Variants in ITPKB observed in about 807,000 individuals in gnomAD.
ITPKB encodes inositol-trisphosphate 3-kinase B.
In ITPKB, 13 loss-of-function variants were observed where a neutral mutation model predicts 69.4. That is an observed-to-expected ratio of 0.19 (90% CI 0.12 to 0.30). The LOEUF (loss-of-function observed/expected upper bound fraction) is 0.30. Among genes scored for constraint, ITPKB ranks in the 10% least tolerant of loss-of-function variants. ITPKB has a pLI of 1.00. For synonymous variants in ITPKB, 584 were observed against 513.7 expected, an observed-to-expected ratio of 1.14 and a Z score of -1.85; for missense variants, 1,240 against 1,250.5, an observed-to-expected ratio of 0.99 and a Z score of 0.13.
At chr1:226,726,379 C>T (rs575747277) in intron 2 of ITPKB, among the ~76,000 whole-genome samples, 1 of 152,282 alleles carries the variant, frequency 6.6e-6, no homozygotes, top group Non-Finnish European at 1.5e-5. Flanking sequence ...AAAGAGAAGG[C>T]CAGGCTCAGT....
At chr1:226,707,368 G>C (rs1221363304) in intron 2 of ITPKB, 1 of 243,930 alleles carries the variant, frequency 4.1e-6, no homozygotes, top group Non-Finnish European at 6.6e-6. Flanking sequence ...GCTAATTTTT[G>C]TATTTTTTAG....
chr1:226,652,968 G>A (rs76476688), intron 2 of ITPKB, among the ~76,000 whole-genome samples: 2 of 152,146 alleles, frequency 1.3e-5, no homozygotes, highest in Non-Finnish European at 2.9e-5. Flanking sequence ...GGGACTTGCT[G>A]CTGGCCGGCA....
At chr1:226,719,387 G>T (rs1657173239) in intron 2 of ITPKB, among the ~76,000 whole-genome samples, 1 of 152,214 alleles carries the variant, frequency 6.6e-6, no homozygotes, top group South Asian at 2.1e-4. Context: ...GTGCCCTGTG[G>T]TCGGTCACTT....
Position 226,737,258 on chromosome 1 carries a change from C to T in ITPKB, c.201G>A (p.Glu67=), listed in dbSNP as rs751300862. The change falls in exon 2 of 8, where the codon GAG becomes GAA. Residue 67 remains glutamate (E), a synonymous_variant. Transcript: ENST00000429204. ...LFPPAESLSP[E]EPRSPGGWRS... ...GCCAGCCCCCGGGGCTCCGGGGCTC[C>T]TCGGGGGACAGCGACTCGGCTGGGG... is the stretch of plus-strand genomic sequence containing the variant. 6.4e-7 allele frequency: 1 copy of T among 1,554,336 alleles called. No individual in the cohort carries two copies. Among genetic ancestry groups the T allele is most frequent in the Non-Finnish European group, 8.6e-7 (1 of 1,157,364 alleles).
At chr1:226,724,255 T>C (rs2102645762) in intron 2 of ITPKB, among the ~76,000 whole-genome samples, 1 of 152,246 alleles carries the variant, frequency 6.6e-6, no homozygotes, top group Admixed American at 6.5e-5. Flanking sequence ...GCAGACCATC[T>C]TGCTTCTGTG....
intron 2 of ITPKB, among the ~76,000 whole-genome samples, chr1:226,722,784 T>C (rs945646194): frequency 8.5e-5 from 13 of 152,164 alleles, no homozygotes; most frequent in African/African-American, 3.1e-4. Context: ...CACATATGTC[T>C]AGAAAGGGGC....
chr1:226,684,180 C>T (rs1571857387), intron 2 of ITPKB, among the ~76,000 whole-genome samples: 1 of 152,182 alleles, frequency 6.6e-6, no homozygotes, highest in Non-Finnish European at 1.5e-5. Context: ...AGGAACAAAA[C>T]GAAGGGGAAG....
At chr1:226,657,871 T>C (rs1036339674) in intron 2 of ITPKB, among the ~76,000 whole-genome samples, 3 of 152,154 alleles carry the variant, frequency 2.0e-5, no homozygotes, top group Non-Finnish European at 2.9e-5. Flanking sequence ...ATTTATAAAA[T>C]AGCCTCACAT....
chr1:226,661,832 G>C (rs766641013), intron 2 of ITPKB, among the ~76,000 whole-genome samples: 10 of 152,194 alleles, frequency 6.6e-5, no homozygotes, highest in Non-Finnish European at 1.5e-4. Flanking sequence ...AGCTCTGTAT[G>C]AGCCCAGCAG....
chr1:226,710,002 C>T (rs1230584374), intron 2 of ITPKB, among the ~76,000 whole-genome samples: 1 of 152,178 alleles, frequency 6.6e-6, no homozygotes, highest in East Asian at 1.9e-4. Flanking sequence ...GAAGAAATCA[C>T]TCCCTAATGG....
Position 226,737,186 on chromosome 1 carries a change from G to A in ITPKB, c.273C>T (p.Gly91=), listed in dbSNP as rs758172245. ...RLNSSSGSGS[G]SSGSSVSSPS... is the part of the protein sequence containing the mutation. Reference sequence around the variant, plus strand: ...GGCTGCTCACGCTACTGCCGCTGCTGCCGCTGCCACTGCCGCTGCTACTAT... The same window carrying A: ...GGCTGCTCACGCTACTGCCGCTGCTACCGCTGCCACTGCCGCTGCTACTAT... The change falls in exon 2 of 8, where the codon GGC becomes GGT. Residue 91 remains glycine, a synonymous_variant. Transcript: ENST00000429204. 4.6e-6 allele frequency: 7 copies of A among 1,517,378 alleles called. No individual in the cohort carries two copies. Among genetic ancestry groups the A allele is most frequent in the Non-Finnish European group, 5.3e-6 (6 of 1,126,266 alleles). The allele number at this position is 1,517,378 out of a possible 1,614,324, so 94.0% of individuals were successfully genotyped here.
At chr1:226,710,326 A>T (rs779284930) in intron 2 of ITPKB, among the ~76,000 whole-genome samples, 1 of 152,218 alleles carries the variant, frequency 6.6e-6, no homozygotes, top group Non-Finnish European at 1.5e-5. Flanking sequence ...TGAAGTAAGC[A>T]AGTAGGGGCC....
chr1:226,655,822 A>G (rs1036506590), intron 2 of ITPKB, among the ~76,000 whole-genome samples: 24 of 152,200 alleles, frequency 1.6e-4, no homozygotes, highest in African/African-American at 5.5e-4. Flanking sequence ...GGGTGGGTAG[A>G]AGAAAGGGTT....
At chr1:226,719,268 G>A (rs1469943247) in intron 2 of ITPKB, among the ~76,000 whole-genome samples, 1 of 152,152 alleles carries the variant, frequency 6.6e-6, no homozygotes, top group East Asian at 1.9e-4. Flanking sequence ...AATAGAGCGG[G>A]ACAAAACAAA....
Position 226,634,986 on chromosome 1 carries a change from G to C in ITPKB, c.2626-100C>G. On this transcript the variant is annotated intron_variant, in intron 7 of 7. Coordinates refer to ENST00000429204, the MANE Select transcript of ITPKB (RefSeq NM_002221.4). The surrounding 1 kb of genome is among the most constrained non-coding windows in gnomAD (Gnocchi z 6.3). ...TGACCAGGTGGGGAGGCTCGCTCAG[G>C]CCGGACAGTTGGGTGCCTGCAATTC... The C allele has an allele frequency of 1.2e-6, 1 of 865,036 alleles. No individual in the cohort carries two copies. 53.6% of individuals were successfully genotyped at this position (865,036 alleles called of 1,614,324 possible).
Position 226,735,477 on chromosome 1 carries a change from G to C in ITPKB, c.1932+50C>G, listed in dbSNP as rs1455866432. 14 of 1,451,914 alleles carry C rather than the reference G, an allele frequency of 9.6e-6. No individual in the cohort carries two copies. The Admixed American group carries it at 2.8e-4, about 29-fold the overall frequency. The allele number at this position is 1,451,914 out of a possible 1,614,324, so 89.9% of individuals were successfully genotyped here. On this transcript the variant is annotated intron_variant, in intron 2 of 7. Transcript: ENST00000429204. ...AAAAGGGATGCATAGGGCATCAAAA[G>C]TCTGCTGAAATCAGCATGAGTTCTG... is the stretch of plus-strand genomic sequence containing the variant.
intron 2 of ITPKB, among the ~76,000 whole-genome samples, chr1:226,652,214 C>A (rs1669208557): frequency 6.6e-6 from 1 of 152,182 alleles, no homozygotes; most frequent in South Asian, 2.1e-4. Context: ...CCAGCCTAGC[C>A]CCTAGGAGCA....
At chr1:226,635,858 T>C (rs546083987) in intron 7 of ITPKB, among the ~76,000 whole-genome samples, 38 of 152,316 alleles carry the variant, frequency 2.5e-4, no homozygotes, top group Non-Finnish European at 5.0e-4. Flanking sequence ...TTCCCAAATA[T>C]GGCCACACAT....
At chr1:226,722,714 C>T (rs1407647818) in intron 2 of ITPKB, among the ~76,000 whole-genome samples, 1 of 152,212 alleles carries the variant, frequency 6.6e-6, no homozygotes, top group East Asian at 1.9e-4. Context: ...TCCCTTCATC[C>T]TGCAAAGGGC....
Sources: gnomAD v4.1 joint callset for allele counts (sites outside exome capture counted in the v4.1 genomes callset) on GRCh38, gnomAD v4.1.1 for gene constraint, Gnocchi (gnomAD v3.1) non-coding constraint, MANE v1.5 for transcripts, NCBI Gene and HGNC (gene_info 2026-07-23, HGNC 2026-07-21) for gene names.